The following CAMTA1 variants were observed in gnomAD, a reference collection of about 807,000 sequenced individuals.
CAMTA1 encodes calmodulin-binding transcription activator 1.
A neutral mutation model predicts 170.9 loss-of-function variants in CAMTA1; 27 were observed. The observed-to-expected ratio is 0.16, with a 90% CI of 0.12 to 0.22. CAMTA1 has a LOEUF of 0.22. Ranked by LOEUF, CAMTA1 falls within the 10% of genes least tolerant of loss-of-function variation. CAMTA1 has a pLI of 1.00. For missense variants in CAMTA1, 1,619 were observed against 2,217.2 expected (o/e 0.73, Z 5.42); for synonymous variants, 833 against 891.5 (o/e 0.93, Z 1.17).
chr1:7,298,092 C>A (rs1217364070), intron 5 of CAMTA1, among the ~76,000 whole-genome samples: 1 of 152,170 alleles, frequency 6.6e-6, no homozygotes, highest in Non-Finnish European at 1.5e-5. Context: ...CATGTAAATT[C>A]TTTTCAGTTG....
chr1:6,851,921 C>T (rs938339406), intron 3 of CAMTA1, among the ~76,000 whole-genome samples: 4 of 150,068 alleles, frequency 2.7e-5, no homozygotes, highest in Non-Finnish European at 3.0e-5. Flanking sequence ...GGCTGAGGCA[C>T]GAGAATTGCT....
Position 7,078,192 on chromosome 1 carries a change from A to T in CAMTA1, c.235-13112A>T, listed in dbSNP as rs116552176. Among the ~76,000 whole-genome samples, 823 of 152,354 alleles carry T rather than the reference A, an allele frequency of 5.4e-3. 8 individuals are homozygous for T. Among genetic ancestry groups the T allele is most frequent in the African/African-American group, 0.018 (762 of 41,590 alleles). On this transcript the variant is annotated intron_variant, in intron 3 of 22. Transcript: ENST00000303635. ...TCAGTGACACTTTCTACGCACATAG[A>T]ATCCTGCCAAGGTTGAAGAAGAAGC...
At chr1:7,245,434 C>G (rs921063975) in intron 4 of CAMTA1, among the ~76,000 whole-genome samples, 2 of 151,550 alleles carry the variant, frequency 1.3e-5, no homozygotes, top group Non-Finnish European at 2.9e-5. Context: ...GAAGATGTAT[C>G]TATAAGCCAA....
chr1:7,520,805 T>C (rs1252783566), intron 6 of CAMTA1, among the ~76,000 whole-genome samples: 1 of 152,120 alleles, frequency 6.6e-6, no homozygotes, highest in Non-Finnish European at 1.5e-5. Flanking sequence ...CTTCTTCCAG[T>C]CCAAGAAAGG....
chr1:7,664,546 G>C lies in CAMTA1; in HGVS notation c.1999G>C (p.Glu667Gln), dbSNP rs866487669. 2 of 1,613,196 alleles carry C rather than the reference G, an allele frequency of 1.2e-6. No individual in the cohort carries two copies. Among genetic ancestry groups the C allele is most frequent in the Non-Finnish European group, 8.5e-7 (1 of 1,180,046 alleles). The change falls in exon 9 of 23, where the codon GAG (glutamate) becomes CAG (glutamine). Residue 667 changes from glutamate to glutamine, a missense_variant. Glu to Gln is a conservative substitution (Grantham distance 29). Coordinates refer to ENST00000303635, the MANE Select transcript of CAMTA1 (RefSeq NM_015215.4). ...SCSGHVETRI[E>Q]STSSLHLMQF... Reference sequence around the variant, plus strand: ...CAGCGGTCACGTGGAGACGCGGATCGAGTCCACTTCCTCCCTCCACCTCAT... The same window carrying C: ...CAGCGGTCACGTGGAGACGCGGATCCAGTCCACTTCCTCCCTCCACCTCAT...
At chr1:6,906,082 C>T (rs1393130612) in intron 3 of CAMTA1, among the ~76,000 whole-genome samples, 1 of 152,210 alleles carries the variant, frequency 6.6e-6, no homozygotes, top group African/African-American at 2.4e-5. Flanking sequence ...AAGTCACCCA[C>T]GGTCTTTTCT....
intron 3 of CAMTA1, among the ~76,000 whole-genome samples, chr1:6,902,850 A>G (rs1003770341): frequency 1.3e-5 from 2 of 152,222 alleles, no homozygotes; most frequent in African/African-American, 4.8e-5. Flanking sequence ...CAACTCTCAA[A>G]CATTGCTGGT....
intron 11 of CAMTA1, among the ~76,000 whole-genome samples, chr1:7,724,772 G>A (rs964214524): frequency 4.8e-5 from 7 of 145,406 alleles, no homozygotes; most frequent in African/African-American, 7.7e-5. Flanking sequence ...GCAGTGAGCC[G>A]AGATCGCACT....
intron 3 of CAMTA1, among the ~76,000 whole-genome samples, chr1:6,933,564 C>T (rs1459832692): frequency 6.6e-6 from 1 of 152,058 alleles, no homozygotes; most frequent in East Asian, 1.9e-4. Context: ...CTGGCCTTCT[C>T]CTATGTTTTC....
chr1:7,273,443 C>T (rs1315067148), intron 5 of CAMTA1, among the ~76,000 whole-genome samples: 4 of 152,134 alleles, frequency 2.6e-5, no homozygotes, highest in Non-Finnish European at 5.9e-5. Context: ...AACTTCTAAA[C>T]GTTATTCTAA....
intron 5 of CAMTA1, among the ~76,000 whole-genome samples, chr1:7,421,781 C>G (rs189111491): frequency 7.9e-5 from 12 of 151,990 alleles, no homozygotes; most frequent in Non-Finnish European, 1.8e-4. Flanking sequence ...GGCAGGAGGC[C>G]GTTCTCCTGG....
intron 6 of CAMTA1, among the ~76,000 whole-genome samples, chr1:7,478,550 A>G (rs1288997067): frequency 6.6e-6 from 1 of 152,218 alleles, no homozygotes; most frequent in African/African-American, 2.4e-5. Context: ...AGTTCCTTAG[A>G]GATGGAAATT....
At chr1:6,871,846 CATTTCATTTTTTAATTTA>C in intron 3 of CAMTA1, 1 of 1,467,134 alleles carries the variant, frequency 6.8e-7, no homozygotes, top group Non-Finnish European at 8.9e-7. Context: ...CCTTGGTAAC[CATTTCATTTTTTAATTTA>C]ATTTCATTTT....
chr1:7,481,369 A>T (rs1252471210), intron 6 of CAMTA1, among the ~76,000 whole-genome samples: 1 of 152,086 alleles, frequency 6.6e-6, no homozygotes, highest in African/African-American at 2.4e-5. Flanking sequence ...TTCTCTCCTC[A>T]AAGAGTCAGG....
intron 11 of CAMTA1, among the ~76,000 whole-genome samples, chr1:7,705,276 GAC>G (rs2096502162): frequency 6.6e-6 from 1 of 151,084 alleles, no homozygotes; most frequent in South Asian, 2.1e-4. Context: ...GTGGGTGGGA[GAC>G]ACGCGTGTCC....
intron 6 of CAMTA1, among the ~76,000 whole-genome samples, chr1:7,559,382 C>A (rs2094926731): frequency 6.6e-6 from 1 of 152,210 alleles, no homozygotes; most frequent in Non-Finnish European, 1.5e-5. Flanking sequence ...CACAGCACCT[C>A]TTGCCCTCCC....
intron 3 of CAMTA1, among the ~76,000 whole-genome samples, chr1:7,029,045 C>T (rs1702417892): frequency 1.3e-5 from 2 of 152,150 alleles, no homozygotes; most frequent in South Asian, 4.1e-4. Context: ...AACTTAACCC[C>T]TATGAGCCTC....
intron 12 of CAMTA1, among the ~76,000 whole-genome samples, chr1:7,735,814 C>T (rs990695060): frequency 6.6e-6 from 1 of 152,068 alleles, no homozygotes; most frequent in Non-Finnish European, 1.5e-5. Flanking sequence ...CTCTGTCACC[C>T]AGGCTGGAAT....
At chr1:7,363,521 T>C (rs539894944) in intron 5 of CAMTA1, among the ~76,000 whole-genome samples, 76 of 152,302 alleles carry the variant, frequency 5.0e-4, no homozygotes, top group African/African-American at 1.7e-3. Flanking sequence ...GTCTTCTGGC[T>C]TTCAGGATAT....
Sources: gnomAD v4.1 joint callset for allele counts (sites outside exome capture counted in the v4.1 genomes callset) on GRCh38, gnomAD v4.1.1 for gene constraint, MANE v1.5 for transcripts, NCBI Gene and HGNC (gene_info 2026-07-23, HGNC 2026-07-21) for gene names.